The following DNAH11 variants were observed in gnomAD, a reference collection of about 807,000 sequenced individuals.
The protein encoded by DNAH11 is dynein axonemal heavy chain 11, also known as axonemal beta dynein heavy chain 11.
A neutral mutation model predicts 526.0 loss-of-function variants in DNAH11; 442 were observed. The observed-to-expected ratio is 0.84, with a 90% CI of 0.78 to 0.91. DNAH11 has a LOEUF of 0.91. DNAH11 is among the 40% of genes least tolerant of loss of function. The probability of loss-of-function intolerance (pLI) is 0.00; values close to 1 mark genes in which losing one functional copy is unlikely to be tolerated. For missense variants in DNAH11, 6,989 were observed against 5,448.7 expected (o/e 1.28, Z -8.90); for synonymous variants, 2,461 against 1,935.9 (o/e 1.27, Z -7.12).
chr7:21,649,010 C>G (rs1395840413), intron 28 of DNAH11, among the ~76,000 whole-genome samples: 1 of 152,054 alleles, frequency 6.6e-6, no homozygotes, highest in African/African-American at 2.4e-5. Flanking sequence ...TATTCATTTT[C>G]CCTTCTCTTT....
intron 54 of DNAH11, among the ~76,000 whole-genome samples, chr7:21,760,525 A>G (rs1363513247): frequency 6.6e-6 from 1 of 152,238 alleles, no homozygotes; most frequent in Non-Finnish European, 1.5e-5. Context: ...CCCAAGGGCC[A>G]CTGCCCCAAA....
At chr7:21,860,852 A>T (rs890489566) in intron 68 of DNAH11, among the ~76,000 whole-genome samples, 3 of 152,182 alleles carry the variant, frequency 2.0e-5, no homozygotes, top group African/African-American at 7.2e-5. Flanking sequence ...GGAAGGCGAA[A>T]GGCACTTCTT....
intron 45 of DNAH11, among the ~76,000 whole-genome samples, chr7:21,729,537 A>G (rs1231591495): frequency 6.6e-6 from 1 of 152,176 alleles, no homozygotes; most frequent in African/African-American, 2.4e-5. Flanking sequence ...GCTAGCAATA[A>G]GGAGAAACTA....
chr7:21,681,538 C>G lies in DNAH11; in HGVS notation c.5329-8C>G. ...CTTCTCTCCTTTTTAAAAAATGATT[C>G]CTTCTAGATTTCTCAGCTGAATACA... On this transcript the variant is annotated splice_polypyrimidine_tract_variant and splice_region_variant and intron_variant, in intron 30 of 81. Transcript: ENST00000409508. 1 of 1,612,276 alleles carries G rather than the reference C, an allele frequency of 6.2e-7. No individual in the cohort carries two copies. The highest frequency in any genetic ancestry group is 1.1e-5 in the South Asian group (1 of 90,690).
At chr7:21,782,622 G>C (rs966179431) in intron 57 of DNAH11, among the ~76,000 whole-genome samples, 1 of 152,168 alleles carries the variant, frequency 6.6e-6, no homozygotes, top group Non-Finnish European at 1.5e-5. Flanking sequence ...TGATAGAAAT[G>C]GCACTTTAGC....
intron 63 of DNAH11, among the ~76,000 whole-genome samples, chr7:21,810,960 A>G (rs951558987): frequency 2.0e-5 from 3 of 152,256 alleles, no homozygotes; most frequent in Non-Finnish European, 4.4e-5. Flanking sequence ...AAAAGTAGGA[A>G]TTCAAACACA....
At chr7:21,871,655 C>T (rs992278262) in intron 73 of DNAH11, among the ~76,000 whole-genome samples, 5 of 152,142 alleles carry the variant, frequency 3.3e-5, no homozygotes, top group African/African-American at 9.7e-5. Flanking sequence ...ATGAGAAATA[C>T]GCTTTCCTTA....
intron 65 of DNAH11, among the ~76,000 whole-genome samples, chr7:21,835,270 A>C (rs1003073426): frequency 5.3e-5 from 8 of 151,852 alleles, no homozygotes; most frequent in African/African-American, 1.9e-4. Flanking sequence ...ACTCAACCTG[A>C]GTCCAGCATC....
intron 20 of DNAH11, among the ~76,000 whole-genome samples, chr7:21,611,794 A>T (rs141023006): frequency 6.6e-6 from 1 of 152,228 alleles, no homozygotes; most frequent in Non-Finnish European, 1.5e-5. Flanking sequence ...TCTCTCAATA[A>T]TAGTGAAATG....
At position 21,589,222 on chromosome 7, in the gene DNAH11, C is replaced by T. The variant is rs1375072491; in HGVS notation, c.1988C>T (p.Pro663Leu). 1 of 1,602,288 alleles carries T rather than the reference C, an allele frequency of 6.2e-7. No homozygotes were observed. Among genetic ancestry groups the T allele is most frequent in the Admixed American group, 1.8e-5 (1 of 57,006 alleles). ...TATTCCTACAGATTTTTGGGCAATC[C>T]TGATCACGCTTTAGTTTATCAAAAG... is the stretch of plus-strand genomic sequence containing the variant. ...ASLRYLFLGN[P>L]DHALVYQKYV... is the part of the protein sequence containing the mutation. Residue 663 changes from proline to leucine, a missense_variant, in exon 12 of 82, where the codon CCT becomes CTT. Pro to Leu is a moderately conservative substitution (Grantham distance 98). Transcript: ENST00000409508.
chr7:21,701,541 C>T (rs1047129947), intron 36 of DNAH11, among the ~76,000 whole-genome samples: 3 of 152,286 alleles, frequency 2.0e-5, no homozygotes, highest in Non-Finnish European at 2.9e-5. Context: ...CTGCCCGCCT[C>T]AGCCTTCCAA....
chr7:21,733,641 T>C (rs561692834), intron 45 of DNAH11, among the ~76,000 whole-genome samples: 1 of 152,332 alleles, frequency 6.6e-6, no homozygotes, highest in African/African-American at 2.4e-5. Context: ...GAGGAGTTTG[T>C]ACTCTTTCTT....
intron 42 of DNAH11, among the ~76,000 whole-genome samples, chr7:21,716,080 C>G (rs1310128480): frequency 6.6e-6 from 1 of 150,586 alleles, no homozygotes; most frequent in South Asian, 2.1e-4. Flanking sequence ...GCAAAGCCCA[C>G]TTCTTCCTTC....
intron 79 of DNAH11, among the ~76,000 whole-genome samples, chr7:21,897,248 T>C (rs934242048): frequency 6.6e-6 from 1 of 152,224 alleles, no homozygotes; most frequent in Non-Finnish European, 1.5e-5. Context: ...AAGACTTCTC[T>C]ATTTCCTGGG....
chr7:21,771,921 A>G (rs945897638), intron 55 of DNAH11, among the ~76,000 whole-genome samples: 1 of 152,200 alleles, frequency 6.6e-6, no homozygotes, highest in Admixed American at 6.5e-5. Flanking sequence ...TGCTAATGAA[A>G]TTACTGCAAT....
At chr7:21,791,880 A>C (rs1051476802) in intron 61 of DNAH11, among the ~76,000 whole-genome samples, 1 of 152,216 alleles carries the variant, frequency 6.6e-6, no homozygotes, top group Admixed American at 6.5e-5. Flanking sequence ...TCACATTGCT[A>C]TAAAGAAATA....
chr7:21,872,977 G>A (rs900114292), intron 73 of DNAH11, among the ~76,000 whole-genome samples: 1 of 152,146 alleles, frequency 6.6e-6, no homozygotes, highest in African/African-American at 2.4e-5. Context: ...CATCTCAGAA[G>A]TGACTGGTGG....
rs554432968 is a variant in DNAH11 at position 21,673,624 on chromosome 7, T to G, written c.5329-7922T>G. Among the ~76,000 whole-genome samples, 78 of 152,258 alleles carry G rather than the reference T, an allele frequency of 5.1e-4. 1 individual carries two copies. The South Asian group carries it at 0.016, about 30-fold the overall frequency. On this transcript the variant is annotated intron_variant, in intron 30 of 81. Transcript: ENST00000409508. ...TGCCCTGACTTTCTTTCCTCCTGTTTCTTCGGTTTCTCGCTCTTGCTCATT... is the reference window on the plus strand; with the variant it reads ...TGCCCTGACTTTCTTTCCTCCTGTTGCTTCGGTTTCTCGCTCTTGCTCATT...
intron 25 of DNAH11, among the ~76,000 whole-genome samples, chr7:21,627,359 A>G (rs903473871): frequency 6.6e-6 from 1 of 152,108 alleles, no homozygotes; most frequent in African/African-American, 2.4e-5. Flanking sequence ...TGCCCACACT[A>G]AAGTCCTGGA....
Sources: gnomAD v4.1 joint callset for allele counts (sites outside exome capture counted in the v4.1 genomes callset) on GRCh38, gnomAD v4.1.1 for gene constraint, MANE v1.5 for transcripts, NCBI Gene and HGNC (gene_info 2026-07-23, HGNC 2026-07-21) for gene names.